POTEJ: variants seen among roughly 807,000 people sequenced by gnomAD.
POTEJ encodes POTE ankyrin domain family, member J.
Under a neutral mutation model 69.0 loss-of-function variants are expected in POTEJ, and 11 were observed. The ratio of observed to expected loss-of-function variants is 0.16; its 90% CI spans 0.10 to 0.26. The LOEUF (loss-of-function observed/expected upper bound fraction) is 0.26. Ranked by LOEUF, POTEJ falls within the 10% of genes least tolerant of loss-of-function variation. The probability of loss-of-function intolerance (pLI) is 1.00; values close to 1 mark genes in which losing one functional copy is unlikely to be tolerated. For missense variants in POTEJ, 327 were observed against 1,045.5 expected (o/e 0.31, Z 9.48); for synonymous variants, 117 against 381.1 (o/e 0.31, Z 8.07).
intron 9 of POTEJ, among the ~76,000 whole-genome samples, chr2:130,636,123 A>C (rs1423898515): frequency 6.8e-6 from 1 of 147,296 alleles, no homozygotes; most frequent in South Asian, 2.1e-4. Flanking sequence ...TGTGCTTGGC[A>C]GTTCCCTGTG....
chr2:130,626,653 AG>A (rs1685717962), intron 6 of POTEJ, among the ~76,000 whole-genome samples: 1 of 152,178 alleles, frequency 6.6e-6, no homozygotes, highest in Non-Finnish European at 1.5e-5. Flanking sequence ...GATTGATGGA[AG>A]GTTCTTTACC....
chr2:130,627,172 G>C (rs559718245), intron 6 of POTEJ, among the ~76,000 whole-genome samples: 60 of 151,868 alleles, frequency 4.0e-4, no homozygotes, highest in Non-Finnish European at 6.9e-4. Flanking sequence ...AATGACTAAT[G>C]TTTTTCTATG....
At chr2:130,624,224 G>T in intron 6 of POTEJ, 90 bp downstream of exon 6, 1 of 774,418 alleles carries the variant, frequency 1.3e-6, no homozygotes, top group Non-Finnish European at 2.0e-6. Context: ...ATTTTTCCAT[G>T]GGCTGGGGGA....
chr2:130,614,289 T>A (rs1432358623), intron 1 of POTEJ, among the ~76,000 whole-genome samples: 1 of 152,020 alleles, frequency 6.6e-6, no homozygotes, highest in Non-Finnish European at 1.5e-5. Context: ...AAACAGACAC[T>A]TTAGTGGTAA....
chr2:130,621,250 A>C (rs1242075969), intron 4 of POTEJ, among the ~76,000 whole-genome samples: 2 of 151,270 alleles, frequency 1.3e-5, no homozygotes, highest in Non-Finnish European at 3.0e-5. Flanking sequence ...TCTGCTATGC[A>C]ATACCCCACT....
At chr2:130,637,060 C>T (rs1179678630) in intron 9 of POTEJ, among the ~76,000 whole-genome samples, 1 of 141,592 alleles carries the variant, frequency 7.1e-6, no homozygotes, top group Admixed American at 7.3e-5. Flanking sequence ...GCCTGGGTGA[C>T]AGAGCAAGAC....
At chr2:130,645,595 G>A (rs1410636062) in intron 11 of POTEJ, 142 bp from the exon 12 acceptor site, 28 of 436,688 alleles carry the variant, frequency 6.4e-5, no homozygotes, top group African/African-American at 5.1e-4. Flanking sequence ...TATTTTAACA[G>A]TTTAATTTTA....
At chr2:130,637,015 C>A (rs930223444) in intron 9 of POTEJ, among the ~76,000 whole-genome samples, 4 of 145,674 alleles carry the variant, frequency 2.7e-5, no homozygotes, top group African/African-American at 7.5e-5. Context: ...GGAGGCGGAG[C>A]TTGCAGTGAG....
At chr2:130,642,418 C>A (rs1439945997) in intron 10 of POTEJ, among the ~76,000 whole-genome samples, 35 of 117,208 alleles carry the variant, frequency 3.0e-4, no homozygotes, top group African/African-American at 1.1e-3. Context: ...CTTCCCAAAC[C>A]AAATATTTAC....
chr2:130,655,918 G>C (rs1215466511), intron 14 of POTEJ, among the ~76,000 whole-genome samples: 12 of 138,308 alleles, frequency 8.7e-5, no homozygotes, highest in Non-Finnish European at 1.5e-5. Context: ...GTTATATGTA[G>C]AAGTGGAATG....
chr2:130,649,561 T>A (rs1214674274), intron 13 of POTEJ, among the ~76,000 whole-genome samples: 4 of 152,156 alleles, frequency 2.6e-5, no homozygotes, highest in Non-Finnish European at 4.4e-5. Context: ...TCTCAGTGGA[T>A]GTATTTAAAA....
At chr2:130,612,264 T>C (rs1685236127) in intron 1 of POTEJ, among the ~76,000 whole-genome samples, 1 of 151,546 alleles carries the variant, frequency 6.6e-6, no homozygotes, top group Non-Finnish European at 1.5e-5. Context: ...CAATGTTCTA[T>C]ACATTATAGA....
rs71273213 is a variant in POTEJ, at chr2:130,614,167, GA to G, written c.410+2241del. Among the ~76,000 whole-genome samples, 291 of 51,808 alleles carry G rather than the reference GA, an allele frequency of 5.6e-3. 2 individuals carry two copies. Among genetic ancestry groups the G allele is most frequent in the Middle Eastern group, 0.037 (3 of 80 alleles). The allele number at this position is 51,808 out of a possible 152,430, so 34.0% of individuals were successfully genotyped here. On this transcript the variant is annotated intron_variant, in intron 1 of 14. Transcript: ENST00000409602. ...GTGAGACTCCATCTCAAAAAAAAAA[GA>G]AAAAAAAAAAAAAAAGGAATGAAAT...
intron 9 of POTEJ, among the ~76,000 whole-genome samples, chr2:130,636,385 C>T (rs1255729454): frequency 6.7e-6 from 1 of 148,888 alleles, no homozygotes; most frequent in Non-Finnish European, 1.5e-5. Context: ...TCATCTCTAA[C>T]TTCAAACCTA....
At chr2:130,634,207 C>T (rs1225594479) in intron 9 of POTEJ, among the ~76,000 whole-genome samples, 15 of 152,192 alleles carry the variant, frequency 9.9e-5, no homozygotes, top group African/African-American at 3.4e-4. Context: ...AAGGAAGGTG[C>T]TGCAAGTGAA....
intron 1 of POTEJ, among the ~76,000 whole-genome samples, chr2:130,614,857 C>T (rs1160016306): frequency 3.5e-5 from 2 of 56,480 alleles, no homozygotes; most frequent in Admixed American, 1.8e-4. Flanking sequence ...GAAGAGGGGT[C>T]GTGTTTACCT....
rs766485602 is a variant in POTEJ at position 130,611,645 on chromosome 2, G to T, written c.113G>T (p.Ser38Ile). The T allele has an allele frequency of 6.9e-5, 83 of 1,203,496 alleles. 1 individual carries two copies. In the Admixed American group the frequency reaches 1.7e-3, roughly 25 times the overall value. 74.6% of individuals were successfully genotyped at this position (1,203,496 alleles called of 1,614,324 possible). A position where few individuals can be genotyped will look rare whatever the true frequency, so the allele number is the denominator to read the frequency against. ...CACTGCTTCCCCTGCTGCAGGGGGA[G>T]CGGCAAGAGCAACGTGGGCACTTCT... ...CRHCFPCCRG[S>I]GKSNVGTSGD... Residue 38 changes from serine to isoleucine, a missense_variant, in exon 1 of 15, where the codon AGC becomes ATC. By Grantham distance (142) the Ser-to-Ile change is moderately radical. Transcript: ENST00000409602.
rs550357376 is a variant in POTEJ at position 130,625,834 on chromosome 2, G to C, written c.1015+1700G>C. Among the ~76,000 whole-genome samples, 3 of 135,280 alleles carry C rather than the reference G, an allele frequency of 2.2e-5. No homozygotes were observed. In the South Asian group the frequency reaches 6.7e-4, roughly 30 times the overall value. 88.7% of individuals were successfully genotyped at this position (135,280 alleles called of 152,430 possible). ...TTTTTAATACTATAGAGATGAGTAG[G>C]TCTTATCCTGTGTGCCATGGGAAAT... On this transcript the variant is annotated intron_variant, in intron 6 of 14. Transcript: ENST00000409602.
At chr2:130,613,153 T>A (rs1367628655) in intron 1 of POTEJ, among the ~76,000 whole-genome samples, 1 of 145,358 alleles carries the variant, frequency 6.9e-6, no homozygotes, top group African/African-American at 2.5e-5. Flanking sequence ...AATAAGAGTA[T>A]AGATTAAAAA....
Sources: gnomAD v4.1 joint callset for allele counts (sites outside exome capture counted in the v4.1 genomes callset) on GRCh38, gnomAD v4.1.1 for gene constraint, MANE v1.5 for transcripts, NCBI Gene and HGNC (gene_info 2026-07-23, HGNC 2026-07-21) for gene names.